LPP: variants seen among roughly 807,000 people sequenced by gnomAD.
LPP encodes the protein LIM domain containing preferred translocation partner in lipoma, also known as lipoma-preferred partner.
LPP carries 38 observed loss-of-function variants against 60.4 expected under a neutral mutation model. That is an observed-to-expected ratio of 0.63 (90% confidence interval 0.49 to 0.83). LPP has a LOEUF of 0.83. Ranked by LOEUF, LPP falls within the 40% of genes least tolerant of loss-of-function variation. LPP has a pLI of 0.00. For missense variants in LPP, 902 were observed against 783.6 expected (o/e 1.15, Z -1.80); for synonymous variants, 328 against 290.8 (o/e 1.13, Z -1.30).
chr3:188,491,271 TA>T (rs1420899829), intron 5 of LPP, among the ~76,000 whole-genome samples: 2 of 152,090 alleles, frequency 1.3e-5, no homozygotes, highest in African/African-American at 4.8e-5. Flanking sequence ...GTTAGTGTGA[TA>T]AAGGAGGAGG....
rs1409252969 is a variant in LPP, at chr3:188,461,490, AT to A, written c.194-23097del. On this transcript the variant is annotated intron_variant, in intron 4 of 11. Coordinates refer to ENST00000617246, the MANE Select transcript of LPP (RefSeq NM_001375462.1). ...TGTATCATAGGTGATATGTTCAATAATTTTTGCAAATTGTGCATTTTTGTTT... is the reference window on the plus strand; with the variant it reads ...TGTATCATAGGTGATATGTTCAATAATTTTGCAAATTGTGCATTTTTGTTT... Among the ~76,000 whole-genome samples the A allele has an allele frequency of 3.4e-4, 52 of 152,138 alleles. 1 individual carries two copies. Among genetic ancestry groups the A allele is most frequent in the Non-Finnish European group, 8.8e-5 (6 of 68,026 alleles).
At chr3:188,767,672 T>C (rs970431232) in intron 9 of LPP, among the ~76,000 whole-genome samples, 2 of 152,174 alleles carry the variant, frequency 1.3e-5, no homozygotes, top group Non-Finnish European at 2.9e-5. Context: ...TGTAGCCATA[T>C]AGTAGAACAA....
intron 6 of LPP, among the ~76,000 whole-genome samples, chr3:188,526,997 G>C (rs2150218762): frequency 6.6e-6 from 1 of 152,268 alleles, no homozygotes; most frequent in Admixed American, 6.5e-5. Flanking sequence ...TCATCTGGAG[G>C]GGTGAGTGGA....
chr3:188,665,529 G>A (rs1025142148), intron 7 of LPP, among the ~76,000 whole-genome samples: 3 of 146,940 alleles, frequency 2.0e-5, no homozygotes, highest in East Asian at 2.0e-4. Context: ...GTACAATCTC[G>A]GCTCACTGCA....
intron 2 of LPP, among the ~76,000 whole-genome samples, chr3:188,241,098 T>A (rs138277095): frequency 6.6e-6 from 1 of 152,294 alleles, no homozygotes; most frequent in East Asian, 1.9e-4. Flanking sequence ...GAAGTGTCAA[T>A]AGAGGGTTAA....
At chr3:188,297,049 A>G (rs1366619655) in intron 2 of LPP, among the ~76,000 whole-genome samples, 5 of 152,158 alleles carry the variant, frequency 3.3e-5, no homozygotes, top group Non-Finnish European at 7.4e-5. Flanking sequence ...TTAGGGGAAA[A>G]AAGTGGGAGG....
At chr3:188,207,912 GTC>G (rs1197623096) in intron 1 of LPP, among the ~76,000 whole-genome samples, 5 of 152,176 alleles carry the variant, frequency 3.3e-5, no homozygotes, top group Non-Finnish European at 5.9e-5. Context: ...ATTGCAGTCA[GTC>G]TCTGTCTTGA....
At chr3:188,342,317 G>A (rs968263812) in intron 3 of LPP, among the ~76,000 whole-genome samples, 7 of 152,132 alleles carry the variant, frequency 4.6e-5, no homozygotes, top group African/African-American at 1.7e-4. Context: ...CACTCTCCTG[G>A]GGGACTGTTG....
chr3:188,682,959 C>T (rs1428541092), intron 7 of LPP, among the ~76,000 whole-genome samples: 1 of 151,900 alleles, frequency 6.6e-6, no homozygotes, highest in African/African-American at 2.4e-5. Context: ...TCTCTTTTTT[C>T]CTATATTTTA....
intron 2 of LPP, among the ~76,000 whole-genome samples, chr3:188,303,064 G>A (rs1272336538): frequency 6.6e-6 from 1 of 152,086 alleles, no homozygotes; most frequent in African/African-American, 2.4e-5. Context: ...TCAACACTGT[G>A]CTATGTGGGA....
intron 4 of LPP, among the ~76,000 whole-genome samples, chr3:188,430,615 A>G (rs1790649506): frequency 6.6e-6 from 1 of 152,214 alleles, no homozygotes; most frequent in African/African-American, 2.4e-5. Flanking sequence ...TAGAATGTAA[A>G]TAATGTGCAG....
chr3:188,185,266 C>T (rs910974307), intron 1 of LPP, among the ~76,000 whole-genome samples: 8 of 69,192 alleles, frequency 1.2e-4, no homozygotes, highest in African/African-American at 3.4e-4. Context: ...AATCGGGGAG[C>T]GGGCGGGGTG....
intron 9 of LPP, among the ~76,000 whole-genome samples, chr3:188,822,935 C>T (rs1317125787): frequency 6.6e-6 from 1 of 152,060 alleles, no homozygotes; most frequent in African/African-American, 2.4e-5. Context: ...TTTTTTAATA[C>T]AGAAAACTGT....
At position 188,717,876 on chromosome 3, in the gene LPP, G is replaced by A. The variant is rs143419666; in HGVS notation, c.1240+9483G>A. ...CTTATTGACCAGGCTGGAGTGCAAT[G>A]GTGCGATCTCGGTGCACCACAAACT... On this transcript the variant is annotated intron_variant, in intron 8 of 11. Coordinates refer to ENST00000617246, the MANE Select transcript of LPP (RefSeq NM_001375462.1). Among the ~76,000 whole-genome samples, 1,247 of 152,266 alleles carry A rather than the reference G, an allele frequency of 8.2e-3. 18 individuals carry two copies. The highest frequency in any genetic ancestry group is 0.029 in the African/African-American group (1,188 of 41,536).
chr3:188,387,081 A>T (rs564236126), intron 3 of LPP, among the ~76,000 whole-genome samples: 1 of 152,086 alleles, frequency 6.6e-6, no homozygotes, highest in Admixed American at 6.5e-5. Context: ...CCTGCCTTTA[A>T]TGACAAAGAA....
chr3:188,520,016 C>A (rs1001614272), intron 5 of LPP, among the ~76,000 whole-genome samples: 1 of 152,068 alleles, frequency 6.6e-6, no homozygotes, highest in South Asian at 2.1e-4. Flanking sequence ...ACACGCTGTA[C>A]ATTTTGGTTC....
At chr3:188,577,524 T>C (rs1834896503) in intron 6 of LPP, among the ~76,000 whole-genome samples, 1 of 151,548 alleles carries the variant, frequency 6.6e-6, no homozygotes, top group African/African-American at 2.4e-5. Context: ...TACTTTGCTT[T>C]TGTTTTACAT....
intron 2 of LPP, among the ~76,000 whole-genome samples, chr3:188,299,614 G>A (rs1011999370): frequency 6.6e-6 from 1 of 152,244 alleles, no homozygotes; most frequent in East Asian, 1.9e-4. Flanking sequence ...TAGTCTCCCC[G>A]TCCCACTGTG....
At chr3:188,839,827 G>A (rs934366740) in intron 9 of LPP, among the ~76,000 whole-genome samples, 4 of 152,164 alleles carry the variant, frequency 2.6e-5, no homozygotes, top group Admixed American at 6.5e-5. Context: ...GCAGTGAGCC[G>A]AGATCACTCC....
Sources: gnomAD v4.1 joint callset for allele counts (sites outside exome capture counted in the v4.1 genomes callset) on GRCh38, gnomAD v4.1.1 for gene constraint, MANE v1.5 for transcripts, NCBI Gene and HGNC (gene_info 2026-07-23, HGNC 2026-07-21) for gene names.